The following BCKDHB variants were observed in gnomAD, a reference collection of about 807,000 sequenced individuals.
The protein encoded by BCKDHB is branched chain keto acid dehydrogenase E1 subunit beta.
In BCKDHB, 41 loss-of-function variants were observed where a neutral mutation model predicts 48.5. That is an observed-to-expected ratio of 0.85 (90% confidence interval 0.66 to 1.10). BCKDHB has a LOEUF of 1.10. Ranked by LOEUF, BCKDHB falls within the 50% of genes least tolerant of loss-of-function variation. The pLI, the probability that BCKDHB is intolerant of heterozygous loss-of-function variation, is 0.00. For missense variants in BCKDHB, 496 were observed against 494.2 expected, an observed-to-expected ratio of 1.00 and a Z score of -0.03; for synonymous variants, 201 against 174.8, an observed-to-expected ratio of 1.15 and a Z score of -1.18.
the BCKDHB span, among the ~76,000 whole-genome samples, chr6:80,391,255 A>G: frequency 6.6e-6 from 1 of 151,824 alleles, no homozygotes; most frequent in Non-Finnish European, 1.5e-5. Context: ...AGTGGGTTGA[A>G]TGGTGTCTCC....
chr6:80,323,909 A>G (rs1175034429), intron 9 of BCKDHB, among the ~76,000 whole-genome samples: 6 of 151,778 alleles, frequency 4.0e-5, no homozygotes, highest in African/African-American at 1.2e-4. Flanking sequence ...AGTAGCTGGG[A>G]CTACAGGCGC....
chr6:80,437,797 G>C, the BCKDHB span, among the ~76,000 whole-genome samples: 4 of 152,192 alleles, frequency 2.6e-5, no homozygotes, highest in Non-Finnish European at 5.9e-5. Context: ...ATATTTTGTG[G>C]TTCTTAATGT....
intron 3 of BCKDHB, among the ~76,000 whole-genome samples, chr6:80,166,424 G>A (rs1447889155): frequency 2.0e-4 from 30 of 152,138 alleles, no homozygotes; most frequent in Admixed American, 6.5e-5. Flanking sequence ...GGGAGGTCGA[G>A]GCGGGTGGAT....
chr6:80,384,377 G>A, the BCKDHB span, among the ~76,000 whole-genome samples: 6 of 148,438 alleles, frequency 4.0e-5, no homozygotes, highest in African/African-American at 1.5e-4. Flanking sequence ...GTTGTTTTCT[G>A]AGATGGAGTC....
chr6:80,453,855 T>A, the BCKDHB span, among the ~76,000 whole-genome samples: 2 of 152,154 alleles, frequency 1.3e-5, no homozygotes, highest in Non-Finnish European at 2.9e-5. Flanking sequence ...GCAAGTTTCT[T>A]GTATTTCCTT....
chr6:80,303,749 G>C (rs186343638), intron 9 of BCKDHB, among the ~76,000 whole-genome samples: 138 of 152,080 alleles, frequency 9.1e-4, no homozygotes, highest in African/African-American at 3.2e-3. Flanking sequence ...TAAGGAACTT[G>C]AGTTAAAAAT....
the BCKDHB span, among the ~76,000 whole-genome samples, chr6:80,398,947 C>T: frequency 4.0e-5 from 6 of 151,790 alleles, no homozygotes; most frequent in South Asian, 1.2e-3. Flanking sequence ...GGTTCAACAT[C>T]CACAAATCAA....
At chr6:80,333,991 CATCTT>C (rs1582585166) in intron 9 of BCKDHB, among the ~76,000 whole-genome samples, 1 of 152,038 alleles carries the variant, frequency 6.6e-6, no homozygotes, top group Admixed American at 6.6e-5. Context: ...AAACTGGGCT[CATCTT>C]ATCAGCATAC....
At chr6:80,141,145 G>C (rs1351564448) in intron 3 of BCKDHB, among the ~76,000 whole-genome samples, 1 of 152,078 alleles carries the variant, frequency 6.6e-6, no homozygotes, top group Non-Finnish European at 1.5e-5. Context: ...GGGATCGGTG[G>C]TGATATCCCC....
At position 80,149,349 on chromosome 6, in the gene BCKDHB, G is replaced by A. The variant is rs563392973; in HGVS notation, c.344-18329G>A. On this transcript the variant is annotated intron_variant, in intron 3 of 9. Transcript: ENST00000320393. ...GTGCTGGAGAGGATGTGGAGAAATA[G>A]AACACTTTTATACTGTTGCTGGGAC... Among the ~76,000 whole-genome samples the A allele has an allele frequency of 3.2e-4, 49 of 152,218 alleles. No individual in the cohort carries two copies. In the East Asian group the frequency reaches 8.3e-3, roughly 26 times the overall value.
At chr6:80,210,044 A>G (rs1582362806) in intron 8 of BCKDHB, among the ~76,000 whole-genome samples, 1 of 151,592 alleles carries the variant, frequency 6.6e-6, no homozygotes, top group East Asian at 2.0e-4. Context: ...ATAAATTTGT[A>G]CAACCATTTT....
chr6:80,326,931 A>G (rs1769058377), intron 9 of BCKDHB, among the ~76,000 whole-genome samples: 1 of 152,192 alleles, frequency 6.6e-6, no homozygotes, highest in South Asian at 2.1e-4. Context: ...CTGACAGACT[A>G]CATGAGAGCC....
At chr6:80,182,008 C>T (rs756935180) in intron 6 of BCKDHB, among the ~76,000 whole-genome samples, 3 of 152,012 alleles carry the variant, frequency 2.0e-5, no homozygotes, top group Admixed American at 6.6e-5. Context: ...TACTTTTAAA[C>T]GTATATTATT....
Position 80,342,556 on chromosome 6 carries a change from G to GAAAAA in BCKDHB, c.1039-1089_1039-1085dup, listed in dbSNP as rs34127398. Among the ~76,000 whole-genome samples the GAAAAA allele has an allele frequency of 9.6e-4, 23 of 24,034 alleles. 3 individuals are homozygous for GAAAAA. The highest frequency in any genetic ancestry group is 2.0e-3 in the South Asian group (1 of 510). 15.8% of individuals were successfully genotyped at this position (24,034 alleles called of 152,430 possible). A position where few individuals can be genotyped will look rare whatever the true frequency, so the allele number is the denominator to read the frequency against. The stretch of plus-strand genomic sequence containing the variant: ...GGCAACATAAGAAGACCTCATTTCT[G>GAAAAA]AAAAAAAAAAAAAAAAAAAAAAAGA... On this transcript the variant is annotated intron_variant, in intron 9 of 9. Transcript: ENST00000320393.
chr6:80,414,220 C>A, the BCKDHB span, among the ~76,000 whole-genome samples: 2 of 151,986 alleles, frequency 1.3e-5, no homozygotes, highest in African/African-American at 4.8e-5. Context: ...AGATGCTTTG[C>A]AAATTTTTTC....
At chr6:80,216,322 TATC>T (rs1775169423) in intron 8 of BCKDHB, among the ~76,000 whole-genome samples, 2 of 152,200 alleles carry the variant, frequency 1.3e-5, no homozygotes, top group African/African-American at 4.8e-5. Context: ...GAACATATTT[TATC>T]ATATGTCAGG....
Position 80,202,868 on chromosome 6 carries a change from G to A in BCKDHB, c.841-234G>A, listed in dbSNP as rs67597629. On this transcript the variant is annotated intron_variant, in intron 7 of 9. Transcript: ENST00000320393. Reference sequence around the variant, plus strand: ...CATGCCATCTTTGTAATCAGTATCTGTGGTACTGACTTCTCTCTCTAAGCA... The same window carrying A: ...CATGCCATCTTTGTAATCAGTATCTATGGTACTGACTTCTCTCTCTAAGCA... Among the ~76,000 whole-genome samples, 12,292 of 151,874 alleles carry A rather than the reference G, an allele frequency of 0.081. 574 individuals carry two copies. Among genetic ancestry groups the A allele is most frequent in the South Asian group, 0.1 (479 of 4,810 alleles).
chr6:80,442,455 G>A, the BCKDHB span, among the ~76,000 whole-genome samples: 1 of 152,044 alleles, frequency 6.6e-6, no homozygotes, highest in Non-Finnish European at 1.5e-5. Context: ...GAACATACCT[G>A]TATATGTGTA....
downstream of BCKDHB, chr6:80,346,299 C>G (rs1037066133): frequency 9.3e-5 from 14 of 150,992 alleles, no homozygotes; most frequent in African/African-American, 3.4e-4. Context: ...TTTTTTTTTC[C>G]TTTAGTAAAA....
Sources: allele counts gnomAD v4.1 joint callset (sites outside exome capture counted in the v4.1 genomes callset), GRCh38; gene constraint gnomAD v4.1.1; transcripts MANE v1.5; gene names NCBI Gene and HGNC (gene_info 2026-07-23, HGNC 2026-07-21).